PAK1: variants seen among roughly 807,000 people sequenced by gnomAD.
PAK1 encodes serine/threonine-protein kinase PAK 1.
Under a neutral mutation model 67.4 loss-of-function variants are expected in PAK1, and 29 were observed. That is an observed-to-expected ratio of 0.43 (90% confidence interval 0.32 to 0.59). The LOEUF (loss-of-function observed/expected upper bound fraction) is 0.59. Ranked by LOEUF, PAK1 falls within the 20% of genes least tolerant of loss-of-function variation. The pLI is 0.07. For synonymous variants in PAK1, 223 were observed against 237.4 expected (o/e 0.94, Z 0.56); for missense variants, 337 against 670.7 (o/e 0.50, Z 5.50).
At chr11:77,462,718 G>A (rs1420728475) in intron 1 of PAK1, among the ~76,000 whole-genome samples, 1 of 151,856 alleles carries the variant, frequency 6.6e-6, no homozygotes, top group East Asian at 1.9e-4. Flanking sequence ...TATAATCCCA[G>A]CTACTTGGGA....
At chr11:77,484,812 C>T in the PAK1 span, among the ~76,000 whole-genome samples, 9 of 152,126 alleles carry the variant, frequency 5.9e-5, no homozygotes, top group Admixed American at 1.3e-4. Flanking sequence ...TCTGTTTTCA[C>T]GCTGCTGATA....
At chr11:77,437,423 T>C (rs11602260) in intron 1 of PAK1, among the ~76,000 whole-genome samples, 1 of 152,252 alleles carries the variant, frequency 6.6e-6, no homozygotes, top group South Asian at 2.1e-4. Context: ...TAGAACAGTG[T>C]CTGGTACACA....
At chr11:77,401,083 T>C (rs933768792) in intron 1 of PAK1, among the ~76,000 whole-genome samples, 2 of 152,226 alleles carry the variant, frequency 1.3e-5, no homozygotes, top group African/African-American at 4.8e-5. Context: ...AAATAAAACC[T>C]GTTCCATATA....
chr11:77,404,890 T>C (rs904109442), intron 1 of PAK1, among the ~76,000 whole-genome samples: 2 of 152,348 alleles, frequency 1.3e-5, no homozygotes, highest in Middle Eastern at 3.4e-3. Flanking sequence ...AAAGGCCTTG[T>C]GCTCATAGAG....
At chr11:77,511,299 C>T in the PAK1 span, among the ~76,000 whole-genome samples, 1 of 152,184 alleles carries the variant, frequency 6.6e-6, no homozygotes, top group Non-Finnish European at 1.5e-5. Context: ...CCAGCATACA[C>T]ACCTCCACAA....
intron 1 of PAK1, among the ~76,000 whole-genome samples, chr11:77,399,401 C>T (rs1311169916): frequency 6.6e-6 from 1 of 152,136 alleles, no homozygotes; most frequent in Non-Finnish European, 1.5e-5. Context: ...AGAGTAGCAG[C>T]TTAAAGAACA....
chr11:77,451,160 T>C (rs1340992316), intron 1 of PAK1, among the ~76,000 whole-genome samples: 3 of 152,236 alleles, frequency 2.0e-5, no homozygotes, highest in African/African-American at 2.4e-5. Context: ...TTCTTTATAA[T>C]GGGGTTCAAG....
the PAK1 span, among the ~76,000 whole-genome samples, chr11:77,518,955 G>A: frequency 5.9e-5 from 9 of 152,082 alleles, no homozygotes; most frequent in Non-Finnish European, 1.2e-4. Flanking sequence ...TTTGCTTCAT[G>A]TATCCCTCTC....
chr11:77,401,858 T>C (rs1952734763), intron 1 of PAK1, among the ~76,000 whole-genome samples: 1 of 152,210 alleles, frequency 6.6e-6, no homozygotes, highest in Non-Finnish European at 1.5e-5. Context: ...CCATAATCCA[T>C]GCTTCTTGTC....
chr11:77,459,679 C>CTCT (rs202235813), intron 1 of PAK1, among the ~76,000 whole-genome samples: 4 of 142,840 alleles, frequency 2.8e-5, no homozygotes, highest in Admixed American at 6.9e-5. Context: ...AACAGAGGGG[C>CTCT]TCTTCTTCTT....
chr11:77,394,390 G>A (rs756951438), intron 1 of PAK1, among the ~76,000 whole-genome samples: 102 of 151,956 alleles, frequency 6.7e-4, no homozygotes, highest in Non-Finnish European at 1.3e-3. Context: ...GAATACTACC[G>A]CTTTAGGCAT....
intron 1 of PAK1, among the ~76,000 whole-genome samples, chr11:77,446,948 T>G (rs1322103000): frequency 6.6e-6 from 1 of 151,442 alleles, no homozygotes; most frequent in Non-Finnish European, 1.5e-5. Flanking sequence ...TCTAGAGCCT[T>G]GCATAGTCCC....
chr11:77,374,273 C>A (rs1423569430), intron 5 of PAK1, 55 bp downstream of exon 5: 4 of 1,208,316 alleles, frequency 3.3e-6, no homozygotes, highest in Non-Finnish European at 4.9e-6. Flanking sequence ...ACCACACTGT[C>A]TTGATCCTTA....
intron 5 of PAK1, among the ~76,000 whole-genome samples, chr11:77,367,676 T>C (rs1591988324): frequency 6.6e-6 from 1 of 152,022 alleles, no homozygotes; most frequent in East Asian, 1.9e-4. Context: ...GGAGAATTAG[T>C]TTAAGAGGTC....
chr11:77,444,313 C>T (rs1956497673), intron 1 of PAK1, among the ~76,000 whole-genome samples: 1 of 150,536 alleles, frequency 6.6e-6, no homozygotes, highest in Non-Finnish European at 1.5e-5. Flanking sequence ...AAACCCGACG[C>T]CTGGGTCCCA....
chr11:77,408,176 G>A (rs1175963083), intron 1 of PAK1: 3 of 152,146 alleles, frequency 2.0e-5, no homozygotes, highest in Admixed American at 1.3e-4. Flanking sequence ...CACATTCCTT[G>A]ATCTGCATTT....
At chr11:77,470,375 A>G (rs1455892801) in intron 1 of PAK1, among the ~76,000 whole-genome samples, 1 of 151,946 alleles carries the variant, frequency 6.6e-6, no homozygotes, top group Non-Finnish European at 1.5e-5. Flanking sequence ...CCTCTATTTC[A>G]TCTCTTCATT....
At chr11:77,490,236 T>C in the PAK1 span, among the ~76,000 whole-genome samples, 1 of 149,462 alleles carries the variant, frequency 6.7e-6, no homozygotes, top group Non-Finnish European at 1.5e-5. Context: ...GTCTGGGAAG[T>C]GAGGAGCGTC....
At chr11:77,484,361 T>C in the PAK1 span, among the ~76,000 whole-genome samples, 1 of 152,150 alleles carries the variant, frequency 6.6e-6, no homozygotes, top group East Asian at 1.9e-4. Flanking sequence ...GAACTTTTGG[T>C]CCTGGTGGTT....
Sources: gnomAD v4.1 joint callset for allele counts (sites outside exome capture counted in the v4.1 genomes callset) on GRCh38, gnomAD v4.1.1 for gene constraint, MANE v1.5 for transcripts, NCBI Gene and HGNC (gene_info 2026-07-23, HGNC 2026-07-21) for gene names.